Variants in CNTNAP5 observed in about 807,000 individuals in gnomAD.
The protein encoded by CNTNAP5 is contactin associated protein family member 5.
In CNTNAP5, 72 loss-of-function variants were observed where a neutral mutation model predicts 150.2. The ratio of observed to expected loss-of-function variants is 0.48; its 90% confidence interval spans 0.40 to 0.58. The LOEUF (loss-of-function observed/expected upper bound fraction) is 0.58. CNTNAP5 is among the 20% of genes least tolerant of loss of function. The pLI is 0.00. For synonymous variants in CNTNAP5, 672 were observed against 619.8 expected (o/e 1.08, Z -1.25); for missense variants, 1,636 against 1,626.2 (o/e 1.01, Z -0.10).
chr2:124,847,080 T>C (rs946490785), intron 19 of CNTNAP5, among the ~76,000 whole-genome samples: 6 of 152,178 alleles, frequency 3.9e-5, no homozygotes, highest in Non-Finnish European at 7.4e-5. Context: ...CTTTTAAGAA[T>C]GCATCACATG....
chr2:124,709,985 T>C (rs540867548), intron 13 of CNTNAP5, among the ~76,000 whole-genome samples: 1 of 151,902 alleles, frequency 6.6e-6, no homozygotes, highest in African/African-American at 2.4e-5. Flanking sequence ...AAAAAAGTAA[T>C]TACTTTAAAA....
At chr2:124,470,920 A>C (rs1573395857) in intron 6 of CNTNAP5, among the ~76,000 whole-genome samples, 1 of 152,028 alleles carries the variant, frequency 6.6e-6, no homozygotes, top group Non-Finnish European at 1.5e-5. Context: ...CTATGGTTCC[A>C]TTGGTCTGTG....
At chr2:124,374,636 G>A (rs1461617113) in intron 3 of CNTNAP5, among the ~76,000 whole-genome samples, 2 of 152,110 alleles carry the variant, frequency 1.3e-5, no homozygotes, top group African/African-American at 4.8e-5. Flanking sequence ...TGCCTAGCAG[G>A]CGACATGCTC....
chr2:124,783,691 C>A (rs557941767), intron 17 of CNTNAP5, among the ~76,000 whole-genome samples: 191 of 152,142 alleles, frequency 1.3e-3, no homozygotes, highest in Non-Finnish European at 2.2e-3. Flanking sequence ...TTTGAGGTGT[C>A]AAAATTTGTA....
At chr2:124,187,299 G>A (rs1685357948) in intron 1 of CNTNAP5, among the ~76,000 whole-genome samples, 2 of 152,184 alleles carry the variant, frequency 1.3e-5, no homozygotes, top group Non-Finnish European at 2.9e-5. Context: ...ACTGGTGGCT[G>A]AGGTCCAGAA....
intron 1 of CNTNAP5, among the ~76,000 whole-genome samples, chr2:124,200,012 T>G (rs1685682021): frequency 6.6e-6 from 1 of 152,166 alleles, no homozygotes; most frequent in South Asian, 2.1e-4. Context: ...CAATGTCAAG[T>G]GAATAATGTT....
chr2:124,793,613 G>C (rs1001122130), intron 18 of CNTNAP5, among the ~76,000 whole-genome samples: 4 of 152,064 alleles, frequency 2.6e-5, no homozygotes, highest in African/African-American at 9.7e-5. Context: ...CTTAATCCAA[G>C]ATCATGGTTT....
At chr2:124,169,925 C>A (rs1437062296) in intron 1 of CNTNAP5, among the ~76,000 whole-genome samples, 3 of 152,178 alleles carry the variant, frequency 2.0e-5, no homozygotes, top group Non-Finnish European at 4.4e-5. Flanking sequence ...CTTCCACCAC[C>A]CCACATAGAT....
chr2:124,380,792 G>A (rs1357934090), intron 3 of CNTNAP5, among the ~76,000 whole-genome samples: 1 of 152,170 alleles, frequency 6.6e-6, no homozygotes, highest in Admixed American at 6.5e-5. Flanking sequence ...TCTGGGGATA[G>A]AGCAGCAATC....
At chr2:124,368,645 C>T (rs760146084) in intron 3 of CNTNAP5, among the ~76,000 whole-genome samples, 9 of 152,056 alleles carry the variant, frequency 5.9e-5, no homozygotes, top group Non-Finnish European at 8.8e-5. Context: ...CACCTATATA[C>T]TGGTATGGAA....
chr2:124,271,387 G>A (rs575086550), intron 3 of CNTNAP5, among the ~76,000 whole-genome samples: 14 of 152,206 alleles, frequency 9.2e-5, no homozygotes, highest in Admixed American at 4.6e-4. Flanking sequence ...GACTGCAACC[G>A]AAGCCCATTT....
chr2:124,535,250 A>G (rs1175852577), intron 10 of CNTNAP5, among the ~76,000 whole-genome samples: 2 of 152,176 alleles, frequency 1.3e-5, no homozygotes, highest in East Asian at 3.9e-4. Context: ...GAGGCCACAC[A>G]GAGGGAGGCA....
intron 1 of CNTNAP5, among the ~76,000 whole-genome samples, chr2:124,151,813 A>G (rs1402632543): frequency 6.6e-6 from 1 of 152,166 alleles, no homozygotes; most frequent in African/African-American, 2.4e-5. Context: ...AATAACAACT[A>G]CTATTAGTTT....
chr2:124,386,207 A>G (rs1421335019), intron 3 of CNTNAP5, among the ~76,000 whole-genome samples: 4 of 152,178 alleles, frequency 2.6e-5, no homozygotes, highest in South Asian at 2.1e-4. Context: ...GGCTGAAGAA[A>G]CAATGTTGTT....
intron 12 of CNTNAP5, among the ~76,000 whole-genome samples, chr2:124,631,532 G>A (rs181232276): frequency 7.2e-5 from 11 of 152,142 alleles, no homozygotes; most frequent in East Asian, 5.8e-4. Flanking sequence ...GCAGAAAATC[G>A]AAACTAGATC....
intron 13 of CNTNAP5, among the ~76,000 whole-genome samples, chr2:124,745,118 C>A (rs183636848): frequency 6.6e-6 from 1 of 152,138 alleles, no homozygotes; most frequent in Admixed American, 6.5e-5. Flanking sequence ...GCTAATGGAA[C>A]TTCTAGGGAG....
At chr2:124,365,910 CT>C (rs1215279736) in intron 3 of CNTNAP5, among the ~76,000 whole-genome samples, 2 of 152,120 alleles carry the variant, frequency 1.3e-5, no homozygotes, top group African/African-American at 2.4e-5. Flanking sequence ...AGTACTGGAG[CT>C]AAGTGATTAT....
chr2:124,282,158 T>C (rs1688030515), intron 3 of CNTNAP5, among the ~76,000 whole-genome samples: 1 of 152,102 alleles, frequency 6.6e-6, no homozygotes, highest in Non-Finnish European at 1.5e-5. Context: ...GCATTACTGA[T>C]GGTAAAACAA....
chr2:124,103,611 A>G (rs1033120519), intron 1 of CNTNAP5, among the ~76,000 whole-genome samples: 2 of 152,140 alleles, frequency 1.3e-5, no homozygotes, highest in African/African-American at 4.8e-5. Context: ...TATTCAGTCC[A>G]GCAACATGGT....
Sources: allele counts gnomAD v4.1 joint callset (sites outside exome capture counted in the v4.1 genomes callset), GRCh38; gene constraint gnomAD v4.1.1; transcripts MANE v1.5; gene names NCBI Gene and HGNC (gene_info 2026-07-23, HGNC 2026-07-21).